CTNNA3: variants seen among roughly 807,000 people sequenced by gnomAD.
CTNNA3 encodes the protein catenin alpha-3.
A neutral mutation model predicts 95.7 loss-of-function variants in CTNNA3; 76 were observed. The ratio of observed to expected loss-of-function variants is 0.79; its 90% CI spans 0.66 to 0.96. The LOEUF is 0.96. CTNNA3 is among the 40% of genes least tolerant of loss of function. The probability of loss-of-function intolerance (pLI) is 0.00; values close to 1 mark genes in which losing one functional copy is unlikely to be tolerated. For missense variants in CTNNA3, 1,191 were observed against 1,089.8 expected, an observed-to-expected ratio of 1.09 and a Z score of -1.31; for synonymous variants, 431 against 374.4, an observed-to-expected ratio of 1.15 and a Z score of -1.74.
chr10:66,922,843 T>A (rs1162445164), intron 7 of CTNNA3, among the ~76,000 whole-genome samples: 1 of 152,204 alleles, frequency 6.6e-6, no homozygotes, highest in Non-Finnish European at 1.5e-5. Flanking sequence ...ACATAGTAAG[T>A]GTGCATGTTT....
At chr10:66,475,092 C>G (rs1197244253) in intron 11 of CTNNA3, among the ~76,000 whole-genome samples, 1 of 151,896 alleles carries the variant, frequency 6.6e-6, no homozygotes, top group East Asian at 1.9e-4. Flanking sequence ...TTTCATGTAA[C>G]TTAAGTTGTT....
chr10:66,388,645 T>C (rs1213819143), intron 11 of CTNNA3, among the ~76,000 whole-genome samples: 1 of 151,796 alleles, frequency 6.6e-6, no homozygotes, highest in East Asian at 1.9e-4. Context: ...GAAATAAAAG[T>C]CTTATATAAA....
intron 11 of CTNNA3, among the ~76,000 whole-genome samples, chr10:66,426,936 A>G (rs571929578): frequency 5.0e-4 from 76 of 152,034 alleles, no homozygotes; most frequent in African/African-American, 1.8e-3. Context: ...TTTGTGCTAT[A>G]TATTTCATGA....
chr10:66,677,336 A>C (rs1245523799), intron 9 of CTNNA3, among the ~76,000 whole-genome samples: 2 of 152,138 alleles, frequency 1.3e-5, no homozygotes, highest in African/African-American at 4.8e-5. Context: ...ATCTGCTATG[A>C]ACCACCTCCT....
At chr10:67,564,298 G>C (rs1022213411) in intron 3 of CTNNA3, among the ~76,000 whole-genome samples, 1 of 149,810 alleles carries the variant, frequency 6.7e-6, no homozygotes, top group African/African-American at 2.5e-5. Context: ...ATAATCCATG[G>C]AATACTATGC....
At chr10:66,220,672 T>C (rs1217022059) in intron 13 of CTNNA3, among the ~76,000 whole-genome samples, 4 of 152,080 alleles carry the variant, frequency 2.6e-5, no homozygotes, top group Non-Finnish European at 4.4e-5. Flanking sequence ...CCGATGGAAG[T>C]GGCTCTCAGC....
At chr10:67,393,501 A>C (rs1231905652) in intron 5 of CTNNA3, among the ~76,000 whole-genome samples, 1 of 152,158 alleles carries the variant, frequency 6.6e-6, no homozygotes, top group African/African-American at 2.4e-5. Context: ...CTTACAGTCC[A>C]AATGTATGGG....
intron 9 of CTNNA3, among the ~76,000 whole-genome samples, chr10:66,695,818 A>G (rs1387416245): frequency 3.3e-5 from 5 of 151,026 alleles, no homozygotes; most frequent in Non-Finnish European, 3.0e-5. Context: ...TCCAATTCTC[A>G]AGAGACCCAC....
rs899091245 is a variant in CTNNA3 at position 67,365,207 on chromosome 10, C to A, written c.580-145337G>T. ...CTGAAACAGGATCCCTTCCTTATAT[C>A]TTATACAAAAAATAACTCAAGATGG... is the stretch of plus-strand genomic sequence containing the variant. On this transcript the variant is annotated intron_variant, in intron 5 of 17. Transcript: ENST00000433211. 2.8e-4 allele frequency among the ~76,000 whole-genome samples: 19 copies of A among 67,228 alleles called. No individual in the cohort carries two copies. In the Admixed American group the frequency reaches 3.6e-3, roughly 13 times the overall value. The allele number at this position is 67,228 out of a possible 152,430, so 44.1% of individuals were successfully genotyped here.
At chr10:65,958,256 T>G (rs2077772302) in intron 17 of CTNNA3, among the ~76,000 whole-genome samples, 1 of 152,182 alleles carries the variant, frequency 6.6e-6, no homozygotes, top group African/African-American at 2.4e-5. Flanking sequence ...AGGTCTTCTC[T>G]ATGCTGTTTA....
rs922004169 is a variant in CTNNA3, at chr10:65,916,202, G to T, written c.*4128C>A. 29 of 151,810 alleles carry T rather than the reference G, an allele frequency of 1.9e-4. No homozygotes were observed. The highest frequency in any genetic ancestry group is 1.6e-4 in the Non-Finnish European group (11 of 67,954). 9.4% of individuals were successfully genotyped at this position (151,810 alleles called of 1,614,324 possible). A position where few individuals can be genotyped will look rare whatever the true frequency, so the allele number is the denominator to read the frequency against. The stretch of plus-strand genomic sequence containing the variant: ...GAAATTTTCCTACTTTACTTAAAAA[G>T]AATTATTAAAATAATATAAAATTAT... On this transcript the variant is annotated 3_prime_UTR_variant, in exon 18 of 18. Coordinates refer to ENST00000433211, the MANE Select transcript of CTNNA3 (RefSeq NM_013266.4).
chr10:66,031,351 T>C (rs370097340), intron 15 of CTNNA3, among the ~76,000 whole-genome samples: 71 of 152,320 alleles, frequency 4.7e-4, no homozygotes, highest in South Asian at 3.3e-3. Flanking sequence ...GGTTCATATA[T>C]ACATCATGGA....
intron 11 of CTNNA3, among the ~76,000 whole-genome samples, chr10:66,498,275 A>T (rs1433259079): frequency 6.6e-6 from 1 of 152,130 alleles, no homozygotes; most frequent in Non-Finnish European, 1.5e-5. Flanking sequence ...CTGAATTTTT[A>T]TGGAATTATA....
At chr10:67,728,010 TATATATC>T (rs1412925171) in intron 1 of CTNNA3, among the ~76,000 whole-genome samples, 1 of 140,518 alleles carries the variant, frequency 7.1e-6, no homozygotes, top group Non-Finnish European at 1.5e-5. Context: ...TATTATGTAT[TATATATC>T]ATATATTATA....
intron 5 of CTNNA3, among the ~76,000 whole-genome samples, chr10:67,319,862 C>T (rs1841232418): frequency 6.9e-6 from 1 of 144,286 alleles, no homozygotes; most frequent in Non-Finnish European, 1.5e-5. Flanking sequence ...CTCCACTGCA[C>T]TCCAGCCTGG....
intron 7 of CTNNA3, among the ~76,000 whole-genome samples, chr10:66,879,324 C>T (rs1028616979): frequency 6.6e-6 from 1 of 152,096 alleles, no homozygotes; most frequent in Non-Finnish European, 1.5e-5. Flanking sequence ...AAGATAGTAT[C>T]ACTAGGAATC....
chr10:66,127,565 C>G (rs2082885350), intron 13 of CTNNA3, among the ~76,000 whole-genome samples: 1 of 151,836 alleles, frequency 6.6e-6, no homozygotes, highest in Non-Finnish European at 1.5e-5. Context: ...CTGTCACAGC[C>G]AAGAAAAGAC....
chr10:66,562,045 T>C (rs1047871402), intron 10 of CTNNA3, among the ~76,000 whole-genome samples: 1 of 151,976 alleles, frequency 6.6e-6, no homozygotes, highest in African/African-American at 2.4e-5. Flanking sequence ...GTTCAATGAA[T>C]AGAACTAGGA....
intron 13 of CTNNA3, among the ~76,000 whole-genome samples, chr10:66,130,563 G>A (rs2083039873): frequency 6.6e-6 from 1 of 151,776 alleles, no homozygotes; most frequent in Non-Finnish European, 1.5e-5. Flanking sequence ...ACAAAGAATC[G>A]GCCGGGCACT....
Sources: gnomAD v4.1 joint callset for allele counts (sites outside exome capture counted in the v4.1 genomes callset) on GRCh38, gnomAD v4.1.1 for gene constraint, MANE v1.5 for transcripts, NCBI Gene and HGNC (gene_info 2026-07-23, HGNC 2026-07-21) for gene names.